The following RAB33B variants were observed in gnomAD, a reference collection of about 807,000 sequenced individuals.
RAB33B encodes the protein ras-related protein Rab-33B.
Under a neutral mutation model 15.0 loss-of-function variants are expected in RAB33B, and 6 were observed. That is an observed-to-expected ratio of 0.40 (90% CI 0.22 to 0.79). The LOEUF (loss-of-function observed/expected upper bound fraction) is 0.79, where lower values mean the gene tolerates loss of function less well. RAB33B is among the 30% of genes least tolerant of loss of function. RAB33B has a pLI of 0.37. For synonymous variants in RAB33B, 117 were observed against 108.3 expected (o/e 1.08, Z -0.50); for missense variants, 257 against 296.4 (o/e 0.87, Z 0.98).
chr4:139,440,826 G>T, the RAB33B span, among the ~76,000 whole-genome samples: 2 of 152,124 alleles, frequency 1.3e-5, no homozygotes, highest in Non-Finnish European at 2.9e-5. Flanking sequence ...GGCCATGCTG[G>T]TCTTGAACTC....
At chr4:139,452,943 A>C (rs1368084813), upstream of RAB33B, 1 of 152,220 alleles carries the variant, frequency 6.6e-6, no homozygotes, top group African/African-American at 2.4e-5. Context: ...TGCAAAACAA[A>C]ACAAACTTTT....
At chr4:139,454,755 A>C (rs1001260546) in intron 1 of RAB33B, among the ~76,000 whole-genome samples, 1 of 152,028 alleles carries the variant, frequency 6.6e-6, no homozygotes, top group South Asian at 2.1e-4. Context: ...TGTAGGGCTT[A>C]TCTACCGACC....
At chr4:139,441,436 G>A in the RAB33B span, among the ~76,000 whole-genome samples, 20 of 152,278 alleles carry the variant, frequency 1.3e-4, no homozygotes, top group South Asian at 3.9e-3. Context: ...TATTTTCTAA[G>A]GGACTCAGGC....
chr4:139,438,432 C>T, the RAB33B span, among the ~76,000 whole-genome samples: 1 of 152,186 alleles, frequency 6.6e-6, no homozygotes, highest in Non-Finnish European at 1.5e-5. Flanking sequence ...AACACACCAT[C>T]AGTGACTTCC....
At position 139,468,008 on chromosome 4, in the gene RAB33B, C is replaced by T. The variant is rs7670763; in HGVS notation, c.250-4678C>T. ...TTAACCATCCCCATCTCCCCTACCC[C>T]GAAGCCCCACTACCCTTCCCGAGCC... On this transcript the variant is annotated intron_variant, in intron 1 of 1. Transcript: ENST00000305626. Among the ~76,000 whole-genome samples, 479 of 151,174 alleles carry T rather than the reference C, an allele frequency of 3.2e-3. 4 individuals carry two copies. The highest frequency in any genetic ancestry group is 0.011 in the African/African-American group (442 of 41,150).
At chr4:139,466,430 C>CTT (rs777769700) in intron 1 of RAB33B, among the ~76,000 whole-genome samples, 40 of 152,128 alleles carry the variant, frequency 2.6e-4, no homozygotes, top group South Asian at 1.2e-3. Context: ...TGAAGTGATG[C>CTT]TTGAACATCT....
At chr4:139,453,740 G>C (rs1749994669), upstream of RAB33B, 1 of 153,534 alleles carries the variant, frequency 6.5e-6, no homozygotes, top group Non-Finnish European at 1.4e-5. Flanking sequence ...CCTCTCGCGA[G>C]AGAGTGCCCG....
At chr4:139,452,708 A>G (rs568560771), upstream of RAB33B, 8 of 152,330 alleles carry the variant, frequency 5.3e-5, no homozygotes, top group African/African-American at 1.9e-4. Flanking sequence ...AACAGGAATT[A>G]TATCAAGGCT....
At chr4:139,453,323 C>T (rs1561001190), upstream of RAB33B, 3 of 152,298 alleles carry the variant, frequency 2.0e-5, no homozygotes, top group Admixed American at 2.0e-4. Flanking sequence ...GCGAAATGCG[C>T]TGTACCTAGG....
chr4:139,471,286 C>G (rs941913002), intron 1 of RAB33B, among the ~76,000 whole-genome samples: 4 of 152,116 alleles, frequency 2.6e-5, no homozygotes, highest in African/African-American at 9.7e-5. Context: ...TGAGTTTGGT[C>G]CGGTTTTCCT....
chr4:139,449,756 C>CATATATATATATATATATATATATAT (rs10536077), upstream of RAB33B: 6 of 146,290 alleles, frequency 4.1e-5, no homozygotes, highest in African/African-American at 1.2e-4. Context: ...TAATAAACTC[C>CATATATATATATATATATATATATAT]ATATATATAT....
At position 139,454,323 on chromosome 4, in the gene RAB33B, A is replaced by C; in HGVS notation, c.128A>C (p.Asn43Thr). 1 of 1,614,080 alleles carries C rather than the reference A, an allele frequency of 6.2e-7. No individual in the cohort carries two copies. The highest frequency in any genetic ancestry group is 8.5e-7 in the Non-Finnish European group (1 of 1,180,000). The change falls in exon 1 of 2, where the codon AAT becomes ACT. Residue 43 changes from asparagine to threonine, a missense_variant. By Grantham distance (65) the Asn-to-Thr change is moderately conservative. Coordinates refer to ENST00000305626, the MANE Select transcript of RAB33B (RefSeq NM_031296.3). ...IFKIIVIGDS[N>T]VGKTCLTYRF... is the part of the protein sequence containing the mutation. ...AAGATAATCGTGATCGGCGACTCCAATGTGGGCAAGACATGCCTGACCTAC... is the reference window on the plus strand; with the variant it reads ...AAGATAATCGTGATCGGCGACTCCACTGTGGGCAAGACATGCCTGACCTAC...
chr4:139,463,296 G>A (rs1750208823), intron 1 of RAB33B, among the ~76,000 whole-genome samples: 1 of 152,190 alleles, frequency 6.6e-6, no homozygotes, highest in Admixed American at 6.5e-5. Context: ...ACCACACCTG[G>A]CTAATTTTTC....
chr4:139,445,432 G>C, the RAB33B span, among the ~76,000 whole-genome samples: 1 of 152,202 alleles, frequency 6.6e-6, no homozygotes, highest in Admixed American at 6.5e-5. Context: ...GGACTTACTG[G>C]TGACACAGAA....
intron 1 of RAB33B, among the ~76,000 whole-genome samples, chr4:139,469,035 T>TA (rs1750343738): frequency 6.6e-6 from 1 of 152,182 alleles, no homozygotes; most frequent in South Asian, 2.1e-4. Flanking sequence ...TGCCTTCAGG[T>TA]AGTCTTCTTT....
chr4:139,460,414 T>G (rs891797569), intron 1 of RAB33B, among the ~76,000 whole-genome samples: 5 of 152,248 alleles, frequency 3.3e-5, no homozygotes, highest in Admixed American at 2.6e-4. Context: ...TTAAATTTTT[T>G]TATGGCATGA....
the RAB33B span, among the ~76,000 whole-genome samples, chr4:139,441,439 A>T: frequency 6.6e-6 from 1 of 152,168 alleles, no homozygotes; most frequent in South Asian, 2.1e-4. Context: ...TTTCTAAGGG[A>T]CTCAGGCTAT....
chr4:139,458,595 CT>C (rs1750113280), intron 1 of RAB33B, among the ~76,000 whole-genome samples: 1 of 152,204 alleles, frequency 6.6e-6, no homozygotes, highest in Non-Finnish European at 1.5e-5. Context: ...TGATCTTGTT[CT>C]TTTTGTGGCT....
upstream of RAB33B, chr4:139,453,182 GGCGCCTAGTAA>G (rs1229589451): frequency 1.3e-5 from 2 of 152,160 alleles, no homozygotes; most frequent in African/African-American, 4.8e-5. Flanking sequence ...TTCCACCAGG[GGCGCCTAGTAA>G]CTACCAGGTT....
Sources: allele counts gnomAD v4.1 joint callset (sites outside exome capture counted in the v4.1 genomes callset), GRCh38; gene constraint gnomAD v4.1.1; transcripts MANE v1.5; gene names NCBI Gene and HGNC (gene_info 2026-07-23, HGNC 2026-07-21).